Variants in PARP2 observed in about 807,000 individuals in gnomAD.
PARP2 encodes poly [ADP-ribose] polymerase 2.
A neutral mutation model predicts 77.8 loss-of-function variants in PARP2; 57 were observed. That is an observed-to-expected ratio of 0.73 (90% CI 0.59 to 0.91). The LOEUF (loss-of-function observed/expected upper bound fraction) is 0.91, where lower values mean the gene tolerates loss of function less well. Among genes scored for constraint, PARP2 ranks in the 40% least tolerant of loss-of-function variants. The pLI is 0.00. For missense variants in PARP2, 651 were observed against 689.0 expected (o/e 0.94, Z 0.62); for synonymous variants, 226 against 242.6 (o/e 0.93, Z 0.64).
Position 20,350,741 on chromosome 14 carries a change from G to A in PARP2, c.421+119G>A, listed in dbSNP as rs2138932048. 6 of 667,220 alleles carry A rather than the reference G, an allele frequency of 9.0e-6. No homozygotes were observed. The South Asian group carries it at 1.1e-4, about 12-fold the overall frequency. The allele number at this position is 667,220 out of a possible 1,614,324, so 41.3% of individuals were successfully genotyped here. A position where few individuals can be genotyped will look rare whatever the true frequency, so the allele number is the denominator to read the frequency against. On this transcript the variant is annotated intron_variant, in intron 5 of 15. Coordinates refer to ENST00000429687, the MANE Select transcript of PARP2 (RefSeq NM_001042618.2). ...TCAGTAGAGGCTCTGAAGTCTGGGA[G>A]AGCCTTAGGAATCAAGTTGAGCATC...
intron 8 of PARP2, 30 bp downstream of exon 8, chr14:20,354,277 C>A: frequency 6.4e-7 from 1 of 1,554,594 alleles, no homozygotes; most frequent in Non-Finnish European, 8.9e-7. Context: ...TCTGCATTCT[C>A]TCCTTATAAT....
chr14:20,354,690 A>C (rs1884077401), intron 8 of PARP2, 119 bp from the exon 9 acceptor site: 11 of 997,626 alleles, frequency 1.1e-5, no homozygotes, highest in Non-Finnish European at 1.6e-5. Flanking sequence ...GTGAGACCCC[A>C]TCTTAAAAAC....
At position 20,345,483 on chromosome 14, in the gene PARP2, G is replaced by A. The variant is rs3093889; in HGVS notation, c.273+19G>A. On this transcript the variant is annotated intron_variant, in intron 3 of 15. Coordinates refer to ENST00000429687, the MANE Select transcript of PARP2 (RefSeq NM_001042618.2). ...GGGGAAGGTAAGAGACTCTGGAACC[G>A]ATCTTCAGTCCATGGATATCTCAGA... 0.011 allele frequency: 16,718 copies of A among 1,582,852 alleles called. 548 individuals are homozygous for A. The African/African-American group carries it at 0.12, about 11-fold the overall frequency.
chr14:20,350,773 T>C (rs1883925236), intron 5 of PARP2, 151 bp downstream of exon 5: 4 of 618,540 alleles, frequency 6.5e-6, no homozygotes, highest in Non-Finnish European at 1.2e-5. Context: ...CATCTTGAAA[T>C]TGGGGAATGG....
chr14:20,356,260 A>G, intron 11 of PARP2, 47 bp from the exon 12 acceptor site: 1 of 1,603,664 alleles, frequency 6.2e-7, no homozygotes, highest in Non-Finnish European at 8.5e-7. Flanking sequence ...AGTTCAGCTC[A>G]GTCTCTTGTA....
intron 7 of PARP2, among the ~76,000 whole-genome samples, chr14:20,353,252 T>C (rs2138940297): frequency 6.6e-6 from 1 of 152,014 alleles, no homozygotes. Context: ...TTGTTTTTGT[T>C]TTTTTTTGAT....
At chr14:20,344,814 A>G (rs1480837923) in intron 1 of PARP2, 118 bp from the exon 2 acceptor site, 2 of 779,166 alleles carry the variant, frequency 2.6e-6, no homozygotes, top group East Asian at 5.2e-5. Context: ...CTCCACCTCA[A>G]AACAAAAAAA....
rs954863230 is a variant in PARP2 at position 20,355,946 on chromosome 14, A to G, written c.1016A>G (p.Gln339Arg). Residue 339 changes from glutamine to arginine, a missense_variant, in exon 11 of 16, where the codon CAA becomes CGA. Physicochemically the swap from Gln to Arg is conservative, Grantham distance 43. Coordinates refer to ENST00000429687, the MANE Select transcript of PARP2 (RefSeq NM_001042618.2). ...IAIKLVKTEL[Q>R]SPEHPLDQHY... Reference sequence around the variant, plus strand: ...ATTAAGCTGGTGAAAACAGAGCTACAAAGCCCAGAACACCCATTGGACCAA... The same window carrying G: ...ATTAAGCTGGTGAAAACAGAGCTACGAAGCCCAGAACACCCATTGGACCAA... 8 of 1,614,072 alleles carry G rather than the reference A, an allele frequency of 5.0e-6. No homozygotes were observed. Among genetic ancestry groups the G allele is most frequent in the Admixed American group, 1.7e-5 (1 of 60,008 alleles).
At position 20,357,776 on chromosome 14, in the gene PARP2, T is replaced by G. The variant is rs1383820536; in HGVS notation, c.1692T>G (p.Phe564Leu). ...TGCGGTACCTTTTAAAGGTTCAGTT[T>G]AATTTCCTTCAGCTGTGGTGAATGT... ...VRMRYLLKVQ[F>L]NFLQLW is the part of the protein sequence containing the mutation. The change falls in exon 16 of 16, where the codon TTT becomes TTG. Residue 564 changes from phenylalanine to leucine, a missense_variant. Coordinates refer to ENST00000429687, the MANE Select transcript of PARP2 (RefSeq NM_001042618.2). The G allele has an allele frequency of 6.2e-7, 1 of 1,612,812 alleles. No individual in the cohort carries two copies.
intron 7 of PARP2, 129 bp from the exon 8 acceptor site, chr14:20,353,956 C>G (rs1713413): frequency 0.4 from 277,536 of 697,310 alleles, 59,032 homozygotes; most frequent in African/African-American, 0.7. Flanking sequence ...TTCCTTGCTT[C>G]TCATTATTCC....
chr14:20,351,660 T>A (rs1334664617), intron 6 of PARP2, among the ~76,000 whole-genome samples: 1 of 152,162 alleles, frequency 6.6e-6, no homozygotes, highest in Non-Finnish European at 1.5e-5. Flanking sequence ...ATCTAATATA[T>A]TTAACACATG....
Position 20,357,529 on chromosome 14 carries a change from T to C in PARP2, c.1553+9T>C, listed in dbSNP as rs556189951. On this transcript the variant is annotated intron_variant, in intron 15 of 15. Transcript: ENST00000429687. ...GCCCACTTCGTCACCCTGTAAGTAC[T>C]CAGAACCAGGAGGACTAGAAGACTC... is the stretch of plus-strand genomic sequence containing the variant. 2 of 1,607,386 alleles carry C rather than the reference T, an allele frequency of 1.2e-6. No individual in the cohort carries two copies. Among genetic ancestry groups the C allele is most frequent in the African/African-American group, 2.7e-5 (2 of 74,652 alleles).
At position 20,347,350 on chromosome 14, in the gene PARP2, GTGTGTGTATATATATATATATATA is replaced by G. The variant is rs1214398543; in HGVS notation, c.324+439_324+462del. Among the ~76,000 whole-genome samples, 129 of 48,976 alleles carry G rather than the reference GTGTGTGTATATATATATATATATA, an allele frequency of 2.6e-3. 1 individual carries two copies. Among genetic ancestry groups the G allele is most frequent in the African/African-American group, 0.017 (121 of 7,328 alleles). The allele number at this position is 48,976 out of a possible 152,430, so 32.1% of individuals were successfully genotyped here. On this transcript the variant is annotated intron_variant, in intron 4 of 15. Transcript: ENST00000429687. ...GCCTTGCCTAAAGTCCTTCATATGT[GTGTGTGTATATATATATATATATA>G]TATATATATATATATATATATATAT...
At position 20,355,824 on chromosome 14, in the gene PARP2, T is replaced by C. The variant is rs1884124480; in HGVS notation, c.966+9T>C. The C allele has an allele frequency of 1.9e-6, 3 of 1,613,210 alleles. No homozygotes were observed. Among genetic ancestry groups the C allele is most frequent in the Non-Finnish European group, 2.5e-6 (3 of 1,179,152 alleles). On this transcript the variant is annotated intron_variant, in intron 10 of 15. Coordinates refer to ENST00000429687, the MANE Select transcript of PARP2 (RefSeq NM_001042618.2). Reference sequence around the variant, plus strand: ...AAATACAATTACTAGAGGTGAGATATGTATGATTTGAGAAGTATTATATCC... The same window carrying C: ...AAATACAATTACTAGAGGTGAGATACGTATGATTTGAGAAGTATTATATCC...
Position 20,346,650 on chromosome 14 carries a change from G to A in PARP2, c.274-213G>A, listed in dbSNP as rs189289120. On this transcript the variant is annotated intron_variant, in intron 3 of 15. Transcript: ENST00000429687. ...TGCGCAGCCTAACTCAGAATCTTTTGTATAGTTAAAAAAAAGGAAGCATGT... is the reference window on the plus strand; with the variant it reads ...TGCGCAGCCTAACTCAGAATCTTTTATATAGTTAAAAAAAAGGAAGCATGT... 161 of 488,238 alleles carry A rather than the reference G, an allele frequency of 3.3e-4. 1 individual carries two copies. The East Asian group carries it at 4.2e-3, about 13-fold the overall frequency. The allele number at this position is 488,238 out of a possible 1,614,324, so 30.2% of individuals were successfully genotyped here.
intron 9 of PARP2, 83 bp downstream of exon 9, chr14:20,355,030 A>G (rs1884094662): frequency 4.8e-6 from 6 of 1,251,446 alleles, no homozygotes; most frequent in Non-Finnish European, 6.7e-6. Context: ...TAATCTTTTA[A>G]ATCTTTTATT....
rs765756464 is a variant in PARP2, at chr14:20,356,451, G to T, written c.1229+17G>T. 4 of 1,614,016 alleles carry T rather than the reference G, an allele frequency of 2.5e-6. No homozygotes were observed. Among genetic ancestry groups the T allele is most frequent in the Non-Finnish European group, 8.5e-7 (1 of 1,179,992 alleles). Reference sequence around the variant, plus strand: ...TCATAACAGGTCTGAGTCTAGCTTTGCGTTTGGAAAGACACTCCTTGCCCG... The same window carrying T: ...TCATAACAGGTCTGAGTCTAGCTTTTCGTTTGGAAAGACACTCCTTGCCCG... On this transcript the variant is annotated intron_variant, in intron 12 of 15. Coordinates refer to ENST00000429687, the MANE Select transcript of PARP2 (RefSeq NM_001042618.2).
rs1376794534 is a variant in PARP2, at chr14:20,357,209, A to G, written c.1428+60A>G. 4.2e-6 allele frequency: 6 copies of G among 1,422,988 alleles called. No homozygotes were observed. The South Asian group carries it at 4.6e-5, about 11-fold the overall frequency. The allele number at this position is 1,422,988 out of a possible 1,614,324, so 88.1% of individuals were successfully genotyped here. ...TTAATTCCAGTTTTTTTCCGATGAG[A>G]AAAGTTTGACCCCAGAACCAAGAGG... On this transcript the variant is annotated intron_variant, in intron 14 of 15. Coordinates refer to ENST00000429687, the MANE Select transcript of PARP2 (RefSeq NM_001042618.2).
Position 20,352,288 on chromosome 14 carries a change from T to C in PARP2, c.541T>C (p.Phe181Leu). The C allele has an allele frequency of 6.2e-7, 1 of 1,613,540 alleles. No individual in the cohort carries two copies. Among genetic ancestry groups the C allele is most frequent in the African/African-American group, 1.3e-5 (1 of 75,050 alleles). ...TKNNWEDREKFEKVPGKYDML... is the reference protein window; with the variant it reads ...TKNNWEDREKLEKVPGKYDML... ...AAACAATTGGGAAGATCGAGAAAAG[T>C]TTGAGAAGGTGCCTGGAAAATATGA... The change falls in exon 7 of 16, where the codon TTT becomes CTT. Residue 181 changes from phenylalanine to leucine, a missense_variant. Phe to Leu is a conservative substitution (Grantham distance 22). Transcript: ENST00000429687.
Sources: allele counts gnomAD v4.1 joint callset (sites outside exome capture counted in the v4.1 genomes callset), GRCh38; gene constraint gnomAD v4.1.1; transcripts MANE v1.5; gene names NCBI Gene and HGNC (gene_info 2026-07-23, HGNC 2026-07-21).